MAGI1: variants seen among roughly 807,000 people sequenced by gnomAD.
MAGI1 encodes the protein membrane-associated guanylate kinase, WW and PDZ domain-containing protein 1.
A neutral mutation model predicts 139.9 loss-of-function variants in MAGI1; 58 were observed. That is an observed-to-expected ratio of 0.41 (90% CI 0.34 to 0.52). MAGI1 has a LOEUF of 0.52. Ranked by LOEUF, MAGI1 falls within the 20% of genes least tolerant of loss-of-function variation. The pLI, the probability that MAGI1 is intolerant of heterozygous loss-of-function variation, is 0.12. For missense variants in MAGI1, 1,874 were observed against 1,901.6 expected, an observed-to-expected ratio of 0.99 and a Z score of 0.27; for synonymous variants, 812 against 737.9, an observed-to-expected ratio of 1.10 and a Z score of -1.63.
chr3:65,823,280 G>A (rs1173710401), intron 1 of MAGI1, among the ~76,000 whole-genome samples: 1 of 152,126 alleles, frequency 6.6e-6, no homozygotes, highest in Non-Finnish European at 1.5e-5. Flanking sequence ...GTACAATGGG[G>A]TGTCTTATGT....
chr3:65,502,537 G>C (rs991555965), intron 2 of MAGI1, among the ~76,000 whole-genome samples: 4 of 152,196 alleles, frequency 2.6e-5, no homozygotes, highest in Non-Finnish European at 4.4e-5. Context: ...TGGGAGGATT[G>C]CTTGAACCCA....
At chr3:65,576,594 G>C (rs1197123998) in intron 2 of MAGI1, among the ~76,000 whole-genome samples, 4 of 152,078 alleles carry the variant, frequency 2.6e-5, no homozygotes, top group African/African-American at 9.7e-5. Flanking sequence ...CTATCTTGTT[G>C]CTTTGCTTAA....
intron 2 of MAGI1, among the ~76,000 whole-genome samples, chr3:65,580,810 C>T (rs1054562758): frequency 7.2e-5 from 11 of 152,156 alleles, no homozygotes; most frequent in Admixed American, 1.3e-4. Flanking sequence ...AGTGTGCACA[C>T]CGGTTTCCAC....
intron 12 of MAGI1, among the ~76,000 whole-genome samples, chr3:65,422,169 T>C (rs1334975428): frequency 1.1e-4 from 17 of 152,318 alleles, no homozygotes; most frequent in Non-Finnish European, 5.9e-5. Context: ...ACTCGCCACA[T>C]GTGGCTATGG....
chr3:65,368,986 T>C (rs377558068), intron 18 of MAGI1, among the ~76,000 whole-genome samples: 1 of 152,356 alleles, frequency 6.6e-6, no homozygotes, highest in African/African-American at 2.4e-5. Context: ...GGCATCTCCA[T>C]ACAATGCAAA....
At chr3:65,688,704 A>G (rs981015094) in intron 1 of MAGI1, among the ~76,000 whole-genome samples, 2 of 152,208 alleles carry the variant, frequency 1.3e-5, no homozygotes, top group African/African-American at 2.4e-5. Context: ...ATTATGACCT[A>G]TGACATTCAT....
intron 5 of MAGI1, 32 bp from the exon 6 acceptor site, chr3:65,453,372 T>C (rs1949162060): frequency 1.3e-6 from 2 of 1,488,308 alleles, no homozygotes; most frequent in Non-Finnish European, 1.8e-6. Flanking sequence ...AAGAAATTTG[T>C]TTGAAAAAAA....
intron 2 of MAGI1, among the ~76,000 whole-genome samples, chr3:65,508,069 G>T (rs1430890435): frequency 1.3e-5 from 2 of 152,076 alleles, no homozygotes; most frequent in African/African-American, 2.4e-5. Flanking sequence ...TACTATATGA[G>T]GTATCAACGG....
At chr3:65,552,228 T>C (rs1354495076) in intron 2 of MAGI1, among the ~76,000 whole-genome samples, 2 of 150,784 alleles carry the variant, frequency 1.3e-5, no homozygotes, top group Admixed American at 6.7e-5. Context: ...CCTGTCCAGG[T>C]AATAGGGCTC....
At chr3:65,526,186 T>G (rs557257660) in intron 2 of MAGI1, among the ~76,000 whole-genome samples, 27 of 152,306 alleles carry the variant, frequency 1.8e-4, no homozygotes, top group African/African-American at 6.0e-4. Flanking sequence ...TTGTTTCACT[T>G]TTCTTTTTTT....
At chr3:65,609,030 G>C (rs2082897450) in intron 2 of MAGI1, among the ~76,000 whole-genome samples, 1 of 152,114 alleles carries the variant, frequency 6.6e-6, no homozygotes, top group Non-Finnish European at 1.5e-5. Flanking sequence ...GAAATTCAAA[G>C]ACAGGCAAAA....
intron 1 of MAGI1, among the ~76,000 whole-genome samples, chr3:65,910,511 T>C (rs2061612683): frequency 6.6e-6 from 1 of 152,184 alleles, no homozygotes; most frequent in African/African-American, 2.4e-5. Flanking sequence ...GTTTACATAC[T>C]AATCGAAGTG....
chr3:65,864,361 G>T (rs557633780), intron 1 of MAGI1, among the ~76,000 whole-genome samples: 1 of 152,162 alleles, frequency 6.6e-6, no homozygotes, highest in Admixed American at 6.5e-5. Flanking sequence ...TTTCTCCCTG[G>T]TACAGGCCAG....
chr3:65,798,695 C>G (rs540930217), intron 1 of MAGI1, among the ~76,000 whole-genome samples: 1 of 152,138 alleles, frequency 6.6e-6, no homozygotes, highest in African/African-American at 2.4e-5. Context: ...CTACAGTAGT[C>G]CCCCCATTAT....
At chr3:65,691,099 G>C (rs1314429709) in intron 1 of MAGI1, among the ~76,000 whole-genome samples, 1 of 151,884 alleles carries the variant, frequency 6.6e-6, no homozygotes, top group Non-Finnish European at 1.5e-5. Flanking sequence ...TCAGGAGATT[G>C]AGACCATCTT....
At chr3:65,359,395 C>A (rs1940555961) in intron 22 of MAGI1, 1 of 1,277,932 alleles carries the variant, frequency 7.8e-7, no homozygotes, top group South Asian at 3.0e-5. Context: ...GACTCGAGAA[C>A]CCAGACAACG....
chr3:66,027,144 T>C (rs1286712543), intron 1 of MAGI1, among the ~76,000 whole-genome samples: 9 of 151,802 alleles, frequency 5.9e-5, no homozygotes, highest in African/African-American at 2.2e-4. Context: ...GGCGGGTGCC[T>C]GTAGTCTCAG....
intron 1 of MAGI1, among the ~76,000 whole-genome samples, chr3:65,690,207 G>T (rs909592217): frequency 1.3e-5 from 2 of 152,148 alleles, no homozygotes; most frequent in East Asian, 3.9e-4. Flanking sequence ...GAGTCTATTT[G>T]ATTACACAGG....
chr3:65,621,889 T>C (rs1048531122), intron 2 of MAGI1, 83 bp downstream of exon 2: 3 of 970,112 alleles, frequency 3.1e-6, no homozygotes, highest in South Asian at 1.5e-5. Flanking sequence ...GAACCAGTTG[T>C]TGAGATCTCC....
Sources: allele counts gnomAD v4.1 joint callset (sites outside exome capture counted in the v4.1 genomes callset), GRCh38; gene constraint gnomAD v4.1.1; transcripts MANE v1.5; gene names NCBI Gene and HGNC (gene_info 2026-07-23, HGNC 2026-07-21).